Variants in ACOXL observed in about 807,000 individuals in gnomAD.
ACOXL encodes the protein acyl-CoA oxidase like.
In ACOXL, 70 loss-of-function variants were observed where a neutral mutation model predicts 71.9. That is an observed-to-expected ratio of 0.97 (90% CI 0.80 to 1.19). The LOEUF is 1.19. ACOXL is among the 50% of genes most tolerant of loss of function. ACOXL has a pLI of 0.00. For synonymous variants in ACOXL, 253 were observed against 281.6 expected (o/e 0.90, Z 1.02); for missense variants, 703 against 736.3 (o/e 0.95, Z 0.52).
chr2:110,983,556 G>A (rs573890390), intron 12 of ACOXL, among the ~76,000 whole-genome samples: 54 of 152,270 alleles, frequency 3.5e-4, no homozygotes, highest in African/African-American at 1.2e-3. Context: ...TGAAAATAAA[G>A]AGTGCAGAAC....
intron 3 of ACOXL, 100 bp from the exon 4 acceptor site, chr2:110,793,550 G>T: frequency 6.5e-6 from 7 of 1,080,254 alleles, no homozygotes; most frequent in Middle Eastern, 2.0e-4. Context: ...AAGCACAGGG[G>T]GCTGAATAGC....
chr2:111,069,295 G>A (rs1489518519), intron 16 of ACOXL, among the ~76,000 whole-genome samples: 2 of 151,886 alleles, frequency 1.3e-5, no homozygotes, highest in Non-Finnish European at 1.5e-5. Context: ...GGGATTACAG[G>A]TATGCGCCAT....
chr2:110,817,043 G>C (rs1040693060), intron 9 of ACOXL, among the ~76,000 whole-genome samples: 1 of 152,186 alleles, frequency 6.6e-6, no homozygotes, highest in Non-Finnish European at 1.5e-5. Flanking sequence ...CCTTAGCTAC[G>C]AAAGGGCAGG....
At position 110,798,673 on chromosome 2, in the gene ACOXL, G is replaced by A. The variant is rs758389033; in HGVS notation, c.409G>A (p.Gly137Arg). The A allele has an allele frequency of 1.2e-5, 19 of 1,613,972 alleles. No individual in the cohort carries two copies. Among genetic ancestry groups the A allele is most frequent in the South Asian group, 2.2e-5 (2 of 91,078 alleles). ...GATGTATATTGGAAATGCCATGTAC[G>A]GGAATTATGCAGCTGTCTTTGCCCA... ...EKMYIGNAMY[G>R]NYAAVFAQLI... The change falls in exon 6 of 18, where the codon GGG becomes AGG. Residue 137 changes from glycine to arginine, a missense_variant. Physicochemically the swap from Gly to Arg is moderately radical, Grantham distance 125. Coordinates refer to ENST00000439055, the MANE Select transcript of ACOXL (RefSeq NM_001142807.4).
intron 10 of ACOXL, among the ~76,000 whole-genome samples, chr2:110,891,109 A>T (rs147839305): frequency 5.3e-5 from 8 of 152,210 alleles, no homozygotes; most frequent in African/African-American, 1.9e-4. Flanking sequence ...TAATTTTTGT[A>T]TATTTATCTT....
chr2:110,904,593 T>C (rs1219639416), intron 10 of ACOXL, among the ~76,000 whole-genome samples: 1 of 152,092 alleles, frequency 6.6e-6, no homozygotes, highest in Non-Finnish European at 1.5e-5. Flanking sequence ...GCTTGGCAGA[T>C]CAGAAGAGGA....
chr2:110,777,952 C>T (rs1261859803), intron 2 of ACOXL, among the ~76,000 whole-genome samples: 3 of 152,224 alleles, frequency 2.0e-5, no homozygotes, highest in African/African-American at 7.2e-5. Flanking sequence ...CAAGACAAAG[C>T]TGGTCTTGGG....
At chr2:110,840,446 A>G (rs1051158041) in intron 9 of ACOXL, among the ~76,000 whole-genome samples, 2 of 152,226 alleles carry the variant, frequency 1.3e-5, no homozygotes, top group African/African-American at 4.8e-5. Flanking sequence ...ACACACACAG[A>G]GATAAGAACA....
At chr2:111,111,724 CTT>C (rs1475745637) in intron 17 of ACOXL, among the ~76,000 whole-genome samples, 1 of 152,138 alleles carries the variant, frequency 6.6e-6, no homozygotes, top group Non-Finnish European at 1.5e-5. Flanking sequence ...ATTAAGCAAA[CTT>C]TGTCATGGAA....
chr2:110,751,591 A>G (rs991467492), intron 1 of ACOXL, among the ~76,000 whole-genome samples: 24 of 152,224 alleles, frequency 1.6e-4, no homozygotes, highest in Admixed American at 1.3e-3. Flanking sequence ...GTAGAACTTC[A>G]TACAATGAAA....
intron 15 of ACOXL, among the ~76,000 whole-genome samples, chr2:111,044,882 C>T (rs1432944348): frequency 6.6e-6 from 1 of 152,114 alleles, no homozygotes; most frequent in Non-Finnish European, 1.5e-5. Context: ...CCCAAATGAC[C>T]ATTGTTTACT....
At chr2:111,089,419 T>A (rs997816079) in intron 16 of ACOXL, among the ~76,000 whole-genome samples, 1 of 152,226 alleles carries the variant, frequency 6.6e-6, no homozygotes, top group African/African-American at 2.4e-5. Context: ...TTAAATAAGT[T>A]TCCAGAGAGC....
chr2:110,929,066 G>A (rs1170440654), intron 11 of ACOXL, among the ~76,000 whole-genome samples: 2 of 152,200 alleles, frequency 1.3e-5, no homozygotes, highest in African/African-American at 4.8e-5. Context: ...AGGGTGTTGT[G>A]CTGTTGTAAA....
chr2:110,802,317 G>C (rs1275448885), intron 8 of ACOXL, among the ~76,000 whole-genome samples: 1 of 152,146 alleles, frequency 6.6e-6, no homozygotes, highest in Non-Finnish European at 1.5e-5. Flanking sequence ...TCTGGGGGTG[G>C]AGCTCTAGGG....
At chr2:110,811,385 T>C (rs1250954449) in intron 9 of ACOXL, among the ~76,000 whole-genome samples, 1 of 152,148 alleles carries the variant, frequency 6.6e-6, no homozygotes, top group African/African-American at 2.4e-5. Flanking sequence ...TTGAGCACAG[T>C]GGGACCTCTG....
chr2:110,846,641 G>GCACGCACACACACACACACACACACA (rs1553562227), intron 10 of ACOXL, among the ~76,000 whole-genome samples: 1 of 137,928 alleles, frequency 7.3e-6, no homozygotes, highest in African/African-American at 2.7e-5. Flanking sequence ...ATGCATACAC[G>GCACGCACACACACACACACACACACA]CACACACACA....
intron 9 of ACOXL, among the ~76,000 whole-genome samples, chr2:110,817,023 C>G (rs1687993709): frequency 6.6e-6 from 1 of 152,216 alleles, no homozygotes; most frequent in Non-Finnish European, 1.5e-5. Context: ...TAACAGTCTG[C>G]CTACTTCTCC....
At chr2:111,059,853 A>G (rs557562875) in intron 16 of ACOXL, among the ~76,000 whole-genome samples, 4 of 151,610 alleles carry the variant, frequency 2.6e-5, no homozygotes, top group Admixed American at 1.3e-4. Flanking sequence ...GAGGAGAAGA[A>G]GAGGAGGTAA....
At chr2:110,837,111 C>T (rs1341752566) in intron 9 of ACOXL, among the ~76,000 whole-genome samples, 1 of 152,204 alleles carries the variant, frequency 6.6e-6, no homozygotes, top group Non-Finnish European at 1.5e-5. Context: ...TAGGTCATGG[C>T]CCCTCCAGCA....
Sources: allele counts gnomAD v4.1 joint callset (sites outside exome capture counted in the v4.1 genomes callset), GRCh38; gene constraint gnomAD v4.1.1; transcripts MANE v1.5; gene names NCBI Gene and HGNC (gene_info 2026-07-23, HGNC 2026-07-21).